The following CCDC170 variants were observed in gnomAD, a reference collection of about 807,000 sequenced individuals.
The protein encoded by CCDC170 is coiled-coil domain containing 170.
CCDC170 carries 69 observed loss-of-function variants against 72.6 expected under a neutral mutation model. The ratio of observed to expected loss-of-function variants is 0.95; its 90% CI spans 0.78 to 1.16. The LOEUF (loss-of-function observed/expected upper bound fraction) is 1.16, where lower values mean the gene tolerates loss of function less well. Ranked by LOEUF, CCDC170 falls within the 50% of genes most tolerant of loss-of-function variation. The pLI is 0.00. For missense variants in CCDC170, 852 were observed against 832.5 expected, an observed-to-expected ratio of 1.02 and a Z score of -0.29; for synonymous variants, 300 against 303.9, an observed-to-expected ratio of 0.99 and a Z score of 0.13.
At chr6:151,505,361 T>A (rs576244965) in intron 1 of CCDC170, among the ~76,000 whole-genome samples, 2 of 152,246 alleles carry the variant, frequency 1.3e-5, no homozygotes, top group East Asian at 3.9e-4. Flanking sequence ...ATGGGTCCCA[T>A]ACGGATTGTT....
chr6:151,564,852 A>G (rs979495098), intron 5 of CCDC170, among the ~76,000 whole-genome samples: 8 of 152,300 alleles, frequency 5.3e-5, no homozygotes, highest in African/African-American at 1.9e-4. Context: ...GGTGCCTATC[A>G]GCACTGGCTG....
chr6:151,539,462 CA>C (rs1195619796), intron 3 of CCDC170, among the ~76,000 whole-genome samples: 13 of 152,112 alleles, frequency 8.5e-5, no homozygotes, highest in African/African-American at 2.9e-4. Context: ...TCTTGGCTTC[CA>C]GGACTTTACA....
chr6:151,581,153 G>A (rs1430503095), intron 6 of CCDC170, among the ~76,000 whole-genome samples: 1 of 152,058 alleles, frequency 6.6e-6, no homozygotes, highest in Non-Finnish European at 1.5e-5. Flanking sequence ...AGACAACAAC[G>A]TAGTTGAAAA....
intron 7 of CCDC170, 84 bp downstream of exon 7, chr6:151,586,173 A>G: frequency 7.1e-7 from 1 of 1,416,470 alleles, no homozygotes; most frequent in Non-Finnish European, 9.6e-7. Flanking sequence ...ATTTTACAGT[A>G]TTTAGTTTGG....
intron 1 of CCDC170, among the ~76,000 whole-genome samples, chr6:151,531,954 G>A (rs1218838864): frequency 6.6e-6 from 1 of 152,140 alleles, no homozygotes; most frequent in South Asian, 2.1e-4. Context: ...ATGTTTATGG[G>A]AACTACAATT....
Position 151,573,715 on chromosome 6 carries a change from G to T in CCDC170, c.1092+224G>T, listed in dbSNP as rs574642938. ...GGAGGAGCAAAGGCACATCTTACGT[G>T]GTGGCAGGCAAGAGAGAGAGTGTGC... On this transcript the variant is annotated intron_variant, in intron 6 of 10. Transcript: ENST00000239374. Among the ~76,000 whole-genome samples the T allele has an allele frequency of 3.0e-4, 45 of 152,296 alleles. No individual in the cohort carries two copies. The East Asian group carries it at 5.0e-3, about 17-fold the overall frequency.
At position 151,510,970 on chromosome 6, in the gene CCDC170, A is replaced by G. The variant is rs1037655687; in HGVS notation, c.57+16785A>G. On this transcript the variant is annotated intron_variant, in intron 1 of 10. Transcript: ENST00000239374. ...AGGCTGGTCTCGAACTCCAGACCTC[A>G]GGTGATCCACCTGCTTCGGCCTCCC... is the stretch of plus-strand genomic sequence containing the variant. Among the ~76,000 whole-genome samples, 7 of 152,258 alleles carry G rather than the reference A, an allele frequency of 4.6e-5. No individual in the cohort carries two copies. The South Asian group carries it at 1.5e-3, about 32-fold the overall frequency.
intron 5 of CCDC170, 138 bp downstream of exon 5, chr6:151,548,627 C>A: frequency 1.5e-6 from 1 of 665,118 alleles, no homozygotes; most frequent in Non-Finnish European, 2.3e-6. Flanking sequence ...AGCCTGCACT[C>A]AGCAGGAGGG....
rs1183769983 is a variant in CCDC170, at chr6:151,532,199, T to A, written c.58-4119T>A. Reference sequence around the variant, plus strand: ...AACAATAAGAAACATAAAAAAGATATTTAGGTACATATTTAATATATAGGA... The same window carrying A: ...AACAATAAGAAACATAAAAAAGATAATTAGGTACATATTTAATATATAGGA... On this transcript the variant is annotated intron_variant, in intron 1 of 10. Coordinates refer to ENST00000239374, the MANE Select transcript of CCDC170 (RefSeq NM_025059.4). 2.6e-5 allele frequency among the ~76,000 whole-genome samples: 4 copies of A among 152,286 alleles called. No homozygotes were observed. The East Asian group carries it at 7.7e-4, about 29-fold the overall frequency.
chr6:151,534,506 C>G (rs921207797), intron 1 of CCDC170, among the ~76,000 whole-genome samples: 1 of 151,974 alleles, frequency 6.6e-6, no homozygotes, highest in African/African-American at 2.4e-5. Flanking sequence ...TGACGTATGT[C>G]CTCATATGGC....
At chr6:151,532,229 G>A (rs1782500086) in intron 1 of CCDC170, among the ~76,000 whole-genome samples, 2 of 152,130 alleles carry the variant, frequency 1.3e-5, no homozygotes, top group Admixed American at 1.3e-4. Flanking sequence ...ATAGGAATAA[G>A]TAGACCCCAT....
In CCDC170 at chr6:151,562,233, G is replaced by A. The variant is rs559184619; in HGVS notation, c.775-10941G>A. ...TCTGTCATTTCAGATATTTTGTTCC[G>A]ATTAAGATCCATCGTGAGAGAGCTA... On this transcript the variant is annotated intron_variant, in intron 5 of 10. Coordinates refer to ENST00000239374, the MANE Select transcript of CCDC170 (RefSeq NM_025059.4). 1.1e-4 allele frequency among the ~76,000 whole-genome samples: 17 copies of A among 152,190 alleles called. No homozygotes were observed. The South Asian group carries it at 1.5e-3, about 13-fold the overall frequency.
At chr6:151,592,506 A>G (rs1005936560) in intron 7 of CCDC170, among the ~76,000 whole-genome samples, 3 of 152,202 alleles carry the variant, frequency 2.0e-5, no homozygotes, top group African/African-American at 7.2e-5. Flanking sequence ...GATGTCTTAC[A>G]TGGTGGCAGG....
rs753228753 is a variant in CCDC170, at chr6:151,596,560, G to A, written c.1693G>A (p.Asp565Asn). Residue 565 changes from aspartate to asparagine, a missense_variant, in exon 9 of 11, where the codon GAC becomes AAC. Coordinates refer to ENST00000239374, the MANE Select transcript of CCDC170 (RefSeq NM_025059.4). Reference sequence around the variant, plus strand: ...CACCGAGCTCAAAGCCAAACTGGCCGACACCAATGAACTGAAGGCAAGTGC... The same window carrying A: ...CACCGAGCTCAAAGCCAAACTGGCCAACACCAATGAACTGAAGGCAAGTGC... ...LHTELKAKLA[D>N]TNELKIKTLE... is the part of the protein sequence containing the mutation. 27 of 1,613,914 alleles carry A rather than the reference G, an allele frequency of 1.7e-5. No homozygotes were observed. Among genetic ancestry groups the A allele is most frequent in the Middle Eastern group, 1.6e-4 (1 of 6,082 alleles).
intron 4 of CCDC170, among the ~76,000 whole-genome samples, chr6:151,546,488 C>T (rs1055163189): frequency 2.0e-5 from 3 of 152,060 alleles, no homozygotes; most frequent in Non-Finnish European, 2.9e-5. Flanking sequence ...CTTTGACTTC[C>T]GGGGTCTTGC....
At chr6:151,584,834 G>A (rs911696312) in intron 6 of CCDC170, among the ~76,000 whole-genome samples, 1 of 152,062 alleles carries the variant, frequency 6.6e-6, no homozygotes, top group East Asian at 1.9e-4. Flanking sequence ...GTTTAAGCAC[G>A]GCTGTTTATA....
chr6:151,538,131 T>C lies in CCDC170; in HGVS notation c.273T>C (p.Asn91=), dbSNP rs774658102. The C allele has an allele frequency of 1.2e-6, 2 of 1,613,830 alleles. No individual in the cohort carries two copies. Among genetic ancestry groups the C allele is most frequent in the Non-Finnish European group, 1.7e-6 (2 of 1,179,918 alleles). Residue 91 remains asparagine, a synonymous_variant, in exon 3 of 11, where the codon AAT becomes AAC. Coordinates refer to ENST00000239374, the MANE Select transcript of CCDC170 (RefSeq NM_025059.4). The part of the protein sequence containing the change: ...KAEMESYKEN[N]ARKSSLLTSL... ...AAATGGAGAGCTACAAGGAAAACAA[T>C]GCCAGAAAATCATCTCTCCTTACCT...
At chr6:151,578,213 A>G (rs1776330661) in intron 6 of CCDC170, among the ~76,000 whole-genome samples, 1 of 152,184 alleles carries the variant, frequency 6.6e-6, no homozygotes, top group African/African-American at 2.4e-5. Flanking sequence ...CTCTCCAGTT[A>G]TATGAGTTTC....
At chr6:151,549,301 G>C (rs1234202446) in intron 5 of CCDC170, among the ~76,000 whole-genome samples, 1 of 151,928 alleles carries the variant, frequency 6.6e-6, no homozygotes, top group Non-Finnish European at 1.5e-5. Context: ...CTCCCAAAGT[G>C]CTGGAATTAC....
Sources: allele counts gnomAD v4.1 joint callset (sites outside exome capture counted in the v4.1 genomes callset), GRCh38; gene constraint gnomAD v4.1.1; transcripts MANE v1.5; gene names NCBI Gene and HGNC (gene_info 2026-07-23, HGNC 2026-07-21).